ZMYM4: variants seen among roughly 807,000 people sequenced by gnomAD.
The protein encoded by ZMYM4 is zinc finger MYM-type containing 4, also known as zinc finger MYM-type protein 4.
A neutral mutation model predicts 183.2 loss-of-function variants in ZMYM4; 31 were observed. The ratio of observed to expected loss-of-function variants is 0.17; its 90% confidence interval spans 0.13 to 0.23. ZMYM4 has a LOEUF of 0.23. ZMYM4 is among the 10% of genes least tolerant of loss of function. The probability of loss-of-function intolerance (pLI) is 1.00; values close to 1 mark genes in which losing one functional copy is unlikely to be tolerated. For missense variants in ZMYM4, 1,273 were observed against 1,840.3 expected, an observed-to-expected ratio of 0.69 and a Z score of 5.64; for synonymous variants, 592 against 631.2, an observed-to-expected ratio of 0.94 and a Z score of 0.93.
At chr1:35,342,749 C>T (rs1278394391) in intron 2 of ZMYM4, among the ~76,000 whole-genome samples, 6 of 152,036 alleles carry the variant, frequency 3.9e-5, no homozygotes, top group Admixed American at 6.6e-5. Context: ...TGGCTCACTG[C>T]AACCTCAATT....
intron 2 of ZMYM4, among the ~76,000 whole-genome samples, chr1:35,337,180 G>A (rs1329365431): frequency 1.3e-5 from 2 of 152,044 alleles, no homozygotes; most frequent in African/African-American, 4.8e-5. Flanking sequence ...CCAACATGGT[G>A]AAACCCCATC....
chr1:35,414,207 C>T (rs766512073), intron 27 of ZMYM4, 124 bp downstream of exon 27: 2 of 636,920 alleles, frequency 3.1e-6, no homozygotes, highest in Non-Finnish European at 5.5e-6. Flanking sequence ...ATTTGGACTT[C>T]TGAGGAGACG....
intron 1 of ZMYM4, among the ~76,000 whole-genome samples, chr1:35,321,033 T>A (rs185378443): frequency 6.6e-6 from 1 of 152,320 alleles, no homozygotes; most frequent in East Asian, 1.9e-4. Context: ...TTGTGTTTAG[T>A]CTCCAAAGTT....
At chr1:35,335,493 G>T (rs1301522569) in intron 2 of ZMYM4, among the ~76,000 whole-genome samples, 1 of 152,040 alleles carries the variant, frequency 6.6e-6, no homozygotes, top group Non-Finnish European at 1.5e-5. Context: ...GTCCGCCTCT[G>T]CCTCGCAAAT....
At chr1:35,418,796 G>T (rs1640221852) in intron 29 of ZMYM4, among the ~76,000 whole-genome samples, 1 of 152,100 alleles carries the variant, frequency 6.6e-6, no homozygotes, top group African/African-American at 2.4e-5. Context: ...AAGAATCACT[G>T]CTATTGTTTG....
intron 28 of ZMYM4, among the ~76,000 whole-genome samples, chr1:35,416,813 C>T (rs1383989515): frequency 6.6e-6 from 1 of 152,160 alleles, no homozygotes; most frequent in East Asian, 1.9e-4. Flanking sequence ...ATCCACCCGC[C>T]TCGGCCTCTC....
In ZMYM4 at chr1:35,418,589, C is replaced by A; in HGVS notation, c.4439+17C>A. On this transcript the variant is annotated intron_variant, in intron 29 of 29. Transcript: ENST00000314607. ...GTCAAAATGGTAATCTTTCTCTGAA[C>A]TGAATGTAGTGCACTCAGAAGGCAG... is the stretch of plus-strand genomic sequence containing the variant. The A allele has an allele frequency of 6.2e-7, 1 of 1,613,542 alleles. No homozygotes were observed. The highest frequency in any genetic ancestry group is 8.5e-7 in the Non-Finnish European group (1 of 1,179,794).
intron 1 of ZMYM4, among the ~76,000 whole-genome samples, chr1:35,309,396 A>G (rs771873455): frequency 3.2e-4 from 48 of 152,264 alleles, no homozygotes; most frequent in Non-Finnish European, 4.1e-4. Context: ...ATTGCCTTAG[A>G]TTTGTTCCTT....
chr1:35,366,734 A>C (rs1644088542), intron 5 of ZMYM4, among the ~76,000 whole-genome samples: 1 of 152,238 alleles, frequency 6.6e-6, no homozygotes, highest in African/African-American at 2.4e-5. Flanking sequence ...ATTTAAGGCC[A>C]GGTGCGGTGG....
In ZMYM4 at chr1:35,381,322, T is replaced by C; in HGVS notation, c.1245T>C (p.Asp415=). 2 of 1,613,562 alleles carry C rather than the reference T, an allele frequency of 1.2e-6. No individual in the cohort carries two copies. The highest frequency in any genetic ancestry group is 1.7e-6 in the Non-Finnish European group (2 of 1,179,680). The part of the protein sequence containing the change: ...AQFENTTTSK[D]FCSQSCLSTY... ...TTGAAAACACCACCACTAGTAAAGA[T>C]TTTTGCAGTCAGTCATGTTTGTCAA... The change falls in exon 8 of 30, where the codon GAT becomes GAC. Residue 415 remains aspartate, a synonymous_variant. Coordinates refer to ENST00000314607, the MANE Select transcript of ZMYM4 (RefSeq NM_005095.3).
chr1:35,274,450 A>T (rs547413163), intron 1 of ZMYM4, among the ~76,000 whole-genome samples: 249 of 152,102 alleles, frequency 1.6e-3, no homozygotes, highest in African/African-American at 5.8e-3. Context: ...ACAATAAATT[A>T]AAAAAATTAC....
At position 35,420,376 on chromosome 1, in the gene ZMYM4, A is replaced by G. The variant is rs1355393761; in HGVS notation, c.*699A>G. On this transcript the variant is annotated 3_prime_UTR_variant, in exon 30 of 30. Coordinates refer to ENST00000314607, the MANE Select transcript of ZMYM4 (RefSeq NM_005095.3). ...TCTGGATGTGGGTAAACTAAGGTAAAGGGGATGATATTCCACAAACTAATT... is the reference window on the plus strand; with the variant it reads ...TCTGGATGTGGGTAAACTAAGGTAAGGGGGATGATATTCCACAAACTAATT... The G allele has an allele frequency of 6.6e-6, 1 of 152,522 alleles. No homozygotes were observed. Among genetic ancestry groups the G allele is most frequent in the Non-Finnish European group, 1.5e-5 (1 of 68,182 alleles). The allele number at this position is 152,522 out of a possible 1,614,324, so 9.4% of individuals were successfully genotyped here. A position where few individuals can be genotyped will look rare whatever the true frequency, so the allele number is the denominator to read the frequency against.
chr1:35,397,623 T>C, intron 20 of ZMYM4, 78 bp downstream of exon 20: 1 of 1,306,206 alleles, frequency 7.7e-7, no homozygotes, highest in Non-Finnish European at 1.0e-6. Context: ...ATTTTAAGTA[T>C]AAGACAGGGT....
Position 35,361,599 on chromosome 1 carries a change from T to A in ZMYM4, c.670-20T>A. On this transcript the variant is annotated intron_variant, in intron 4 of 29. Coordinates refer to ENST00000314607, the MANE Select transcript of ZMYM4 (RefSeq NM_005095.3). ...ATTTTAAAATCTGAATATTTATTAA[T>A]CCTTTATATTGTGTTTTAGGATTCC... The A allele has an allele frequency of 6.3e-7, 1 of 1,594,658 alleles. No individual in the cohort carries two copies. Among genetic ancestry groups the A allele is most frequent in the Admixed American group, 1.9e-5 (1 of 53,322 alleles).
intron 29 of ZMYM4, 24 bp from the exon 30 acceptor site, chr1:35,419,443 CTCT>C (rs1640248638): frequency 1.3e-6 from 2 of 1,598,300 alleles, no homozygotes; most frequent in South Asian, 2.2e-5. Context: ...TTTCTTTTTT[CTCT>C]TTTTTTTTTT....
At position 35,388,496 on chromosome 1, in the gene ZMYM4, C is replaced by T. The variant is rs115435656; in HGVS notation, c.2264-414C>T. Reference sequence around the variant, plus strand: ...CTGGGATTACAGGTGTGAGCCACTACGCCCAGCCCCAAAAGTTTCATGAAA... The same window carrying T: ...CTGGGATTACAGGTGTGAGCCACTATGCCCAGCCCCAAAAGTTTCATGAAA... On this transcript the variant is annotated intron_variant, in intron 13 of 29. Coordinates refer to ENST00000314607, the MANE Select transcript of ZMYM4 (RefSeq NM_005095.3). Among the ~76,000 whole-genome samples, 1,154 of 152,288 alleles carry T rather than the reference C, an allele frequency of 7.6e-3. 5 individuals carry two copies. Among genetic ancestry groups the T allele is most frequent in the Non-Finnish European group, 0.011 (759 of 68,028 alleles).
intron 5 of ZMYM4, among the ~76,000 whole-genome samples, chr1:35,368,105 C>G (rs1047757132): frequency 8.3e-6 from 1 of 121,112 alleles, no homozygotes; most frequent in African/African-American, 3.1e-5. Context: ...CCACTGCTTT[C>G]ATAAATAAAG....
chr1:35,357,852 C>A (rs1643868062), intron 2 of ZMYM4, among the ~76,000 whole-genome samples: 1 of 152,042 alleles, frequency 6.6e-6, no homozygotes, highest in Non-Finnish European at 1.5e-5. Flanking sequence ...TGGAGGTGAA[C>A]AAAATAGCTC....
At position 35,335,717 on chromosome 1, in the gene ZMYM4, G is replaced by A. The variant is rs548017891; in HGVS notation, c.85+10312G>A. 1.2e-3 allele frequency among the ~76,000 whole-genome samples: 177 copies of A among 152,260 alleles called. 1 individual carries two copies. Among genetic ancestry groups the A allele is most frequent in the African/African-American group, 4.1e-3 (171 of 41,550 alleles). ...ACCTGTAATCCCAGCACTTTGGGAG[G>A]TCAAGGTGGGTGGATCACGAGGTCA... On this transcript the variant is annotated intron_variant, in intron 2 of 29. Coordinates refer to ENST00000314607, the MANE Select transcript of ZMYM4 (RefSeq NM_005095.3).
Sources: allele counts gnomAD v4.1 joint callset (sites outside exome capture counted in the v4.1 genomes callset), GRCh38; gene constraint gnomAD v4.1.1; transcripts MANE v1.5; gene names NCBI Gene and HGNC (gene_info 2026-07-23, HGNC 2026-07-21).